The following CFH variants were observed in gnomAD, a reference collection of about 807,000 sequenced individuals.
CFH encodes complement factor H.
A neutral mutation model predicts 147.3 loss-of-function variants in CFH; 53 were observed. The ratio of observed to expected loss-of-function variants is 0.36; its 90% CI spans 0.29 to 0.45. CFH has a LOEUF of 0.45. Among genes scored for constraint, CFH ranks in the 20% least tolerant of loss-of-function variants. The pLI, the probability that CFH is intolerant of heterozygous loss-of-function variation, is 1.00. For missense variants in CFH, 1,380 were observed against 1,498.0 expected, an observed-to-expected ratio of 0.92 and a Z score of 1.30; for synonymous variants, 536 against 489.4, an observed-to-expected ratio of 1.10 and a Z score of -1.26.
At chr1:196,653,418 G>A (rs973921701) in intron 1 of CFH, among the ~76,000 whole-genome samples, 1 of 151,590 alleles carries the variant, frequency 6.6e-6, no homozygotes, top group African/African-American at 2.4e-5. Context: ...ATTACCTATT[G>A]TAAAAGACAT....
At chr1:196,679,849 T>C (rs952629197) in intron 6 of CFH, 56 bp downstream of exon 6, 100 of 1,431,752 alleles carry the variant, frequency 7.0e-5, no homozygotes, top group Non-Finnish European at 8.7e-5. Flanking sequence ...TTTTAATTAA[T>C]TCTTTTAATA....
chr1:196,721,740 G>A (rs1669003080), intron 11 of CFH, among the ~76,000 whole-genome samples: 1 of 151,546 alleles, frequency 6.6e-6, no homozygotes, highest in Non-Finnish European at 1.5e-5. Flanking sequence ...TGAGTGCTGA[G>A]GTTTTGAGTG....
At chr1:196,656,833 T>C (rs1294657771) in intron 1 of CFH, among the ~76,000 whole-genome samples, 3 of 152,292 alleles carry the variant, frequency 2.0e-5, no homozygotes, top group Admixed American at 2.0e-4. Flanking sequence ...TTTCAACCCA[T>C]GTTCTGATAG....
intron 1 of CFH, among the ~76,000 whole-genome samples, chr1:196,663,371 A>C (rs1666970926): frequency 6.6e-6 from 1 of 152,138 alleles, no homozygotes; most frequent in Non-Finnish European, 1.5e-5. Context: ...CTGTCCATTG[A>C]TGATTAAAAT....
intron 1 of CFH, among the ~76,000 whole-genome samples, chr1:196,658,835 G>T (rs1458328019): frequency 6.6e-6 from 1 of 152,138 alleles, no homozygotes. Context: ...ATGTCAAAGT[G>T]CTGGGATTAT....
rs571619439 is a variant in CFH, at chr1:196,678,131, T to C, written c.619+464T>C. The C allele has an allele frequency of 2.9e-5, 5 of 169,792 alleles. No individual in the cohort carries two copies. The South Asian group carries it at 7.2e-4, about 24-fold the overall frequency. 10.5% of individuals were successfully genotyped at this position (169,792 alleles called of 1,614,324 possible). On this transcript the variant is annotated intron_variant, in intron 5 of 21. Transcript: ENST00000367429. Reference sequence around the variant, plus strand: ...AAGATTCATTATGTATTTCCAGAGATACATTAGAATGACATTCGTTTTTGA... The same window carrying C: ...AAGATTCATTATGTATTTCCAGAGACACATTAGAATGACATTCGTTTTTGA...
intron 12 of CFH, among the ~76,000 whole-genome samples, chr1:196,725,824 A>T (rs1175608319): frequency 1.3e-5 from 2 of 152,160 alleles, no homozygotes; most frequent in East Asian, 1.9e-4. Context: ...GGGGGCATTC[A>T]TCTGTTCATG....
At chr1:196,658,025 G>C in intron 1 of CFH, among the ~76,000 whole-genome samples, 2 of 151,964 alleles carry the variant, frequency 1.3e-5, no homozygotes, top group African/African-American at 4.8e-5. Flanking sequence ...TAAGTAATTA[G>C]CTTGGTGTTT....
intron 9 of CFH, chr1:196,692,490 C>T (rs537603095): frequency 7.3e-4 from 162 of 220,954 alleles, no homozygotes; most frequent in African/African-American, 3.4e-3. Context: ...GTAGAATCAA[C>T]TACTTATTTT....
chr1:196,658,006 T>C (rs967131017), intron 1 of CFH, among the ~76,000 whole-genome samples: 8 of 152,150 alleles, frequency 5.3e-5, no homozygotes, highest in Admixed American at 5.2e-4. Context: ...TATGTTTGTA[T>C]GTCAATAATA....
At position 196,659,092 on chromosome 1, in the gene CFH, C is replaced by A. The variant is rs961288896; in HGVS notation, c.58+6917C>A. ...CTTTTAGTTTTAAGATAAATCACAT[C>A]TCAAAAAAATGTTTCTGTGCCTTTC... On this transcript the variant is annotated intron_variant, in intron 1 of 21. Coordinates refer to ENST00000367429, the MANE Select transcript of CFH (RefSeq NM_000186.4). Among the ~76,000 whole-genome samples the A allele has an allele frequency of 4.3e-5, 6 of 139,766 alleles. No individual in the cohort carries two copies. The East Asian group carries it at 9.8e-4, about 23-fold the overall frequency. The allele number at this position is 139,766 out of a possible 152,430, so 91.7% of individuals were successfully genotyped here.
intron 9 of CFH, among the ~76,000 whole-genome samples, chr1:196,702,220 C>G (rs1349367674): frequency 6.6e-6 from 1 of 152,102 alleles, no homozygotes; most frequent in Non-Finnish European, 1.5e-5. Flanking sequence ...TCCCCACCAC[C>G]AAAAAGTCAC....
intron 1 of CFH, 135 bp from the exon 2 acceptor site, chr1:196,672,843 G>GGAGAGA (rs55759441): frequency 1.8e-5 from 11 of 607,766 alleles, no homozygotes; most frequent in African/African-American, 3.8e-5. Flanking sequence ...TATGGGGTTA[G>GGAGAGA]GAGAGAGAGA....
intron 9 of CFH, among the ~76,000 whole-genome samples, chr1:196,696,548 G>T (rs1324960403): frequency 6.6e-6 from 1 of 152,122 alleles, no homozygotes; most frequent in Non-Finnish European, 1.5e-5. Flanking sequence ...TCAATTAAAA[G>T]AAATAGAGCT....
At position 196,679,675 on chromosome 1, in the gene CFH, G is replaced by A. The variant is rs1408473510; in HGVS notation, c.672G>A (p.Lys224=). 3.1e-6 allele frequency: 5 copies of A among 1,607,576 alleles called. No homozygotes were observed. The highest frequency in any genetic ancestry group is 1.3e-5 in the African/African-American group (1 of 74,716). The stretch of plus-strand genomic sequence containing the variant: ...TAAATGGATCTCCTATATCTCAGAA[G>A]ATTATTTATAAGGAGAATGAACGAT... The part of the protein sequence containing the change: ...DVINGSPISQ[K]IIYKENERFQ... Residue 224 remains lysine, a synonymous_variant, in exon 6 of 22, where the codon AAG becomes AAA. Transcript: ENST00000367429.
In CFH at chr1:196,692,901, C is replaced by CCCTCCCTT. The variant is rs1263518279; in HGVS notation, c.1336+2665_1336+2666insCCCTTCCT. 1.4e-4 allele frequency among the ~76,000 whole-genome samples: 10 copies of CCCTCCCTT among 70,720 alleles called. 1 individual carries two copies. The highest frequency in any genetic ancestry group is 7.4e-4 in the African/African-American group (10 of 13,564). 46.4% of individuals were successfully genotyped at this position (70,720 alleles called of 152,430 possible). On this transcript the variant is annotated intron_variant, in intron 9 of 21. Coordinates refer to ENST00000367429, the MANE Select transcript of CFH (RefSeq NM_000186.4). ...CACCTCCCTCCCTCCCTCCCTCCCT[C>CCCTCCCTT]CCTTCCTTCCTTCCTTCCTTCCTTC... is the stretch of plus-strand genomic sequence containing the variant.
chr1:196,675,784 T>G (rs1044895126), intron 3 of CFH, among the ~76,000 whole-genome samples: 1 of 152,020 alleles, frequency 6.6e-6, no homozygotes, highest in Non-Finnish European at 1.5e-5. Context: ...AAGATTAATG[T>G]TCTAGAGAAC....
At chr1:196,727,221 G>A (rs1669166374) in intron 14 of CFH, among the ~76,000 whole-genome samples, 2 of 152,122 alleles carry the variant, frequency 1.3e-5, no homozygotes, top group Admixed American at 1.3e-4. Flanking sequence ...TGTCATGTGA[G>A]GCCAGGGTGG....
intron 9 of CFH, among the ~76,000 whole-genome samples, chr1:196,692,203 C>G (rs181210314): frequency 6.6e-6 from 1 of 152,088 alleles, no homozygotes; most frequent in Non-Finnish European, 1.5e-5. Context: ...GATCTCGCCT[C>G]GCTGCAACCT....
Sources: allele counts gnomAD v4.1 joint callset (sites outside exome capture counted in the v4.1 genomes callset), GRCh38; gene constraint gnomAD v4.1.1; transcripts MANE v1.5; gene names NCBI Gene and HGNC (gene_info 2026-07-23, HGNC 2026-07-21).